ARL3: variants seen among roughly 807,000 people sequenced by gnomAD.
ARL3 encodes ADP-ribosylation factor-like protein 3.
ARL3 carries 9 observed loss-of-function variants against 26.0 expected under a neutral mutation model. That is an observed-to-expected ratio of 0.35 (90% confidence interval 0.21 to 0.60). ARL3 has a LOEUF of 0.60. Among genes scored for constraint, ARL3 ranks in the 20% least tolerant of loss-of-function variants. ARL3 has a pLI of 0.78. For missense variants in ARL3, 158 were observed against 215.7 expected, an observed-to-expected ratio of 0.73 and a Z score of 1.67; for synonymous variants, 71 against 78.4, an observed-to-expected ratio of 0.91 and a Z score of 0.50.
chr10:102,692,978 G>A (rs949140529), intron 3 of ARL3, among the ~76,000 whole-genome samples: 1 of 152,220 alleles, frequency 6.6e-6, no homozygotes, highest in Non-Finnish European at 1.5e-5. Flanking sequence ...TTACAGGCAT[G>A]AGCCACCGCA....
chr10:102,699,589 C>G, intron 2 of ARL3, 100 bp from the exon 3 acceptor site: 1 of 665,086 alleles, frequency 1.5e-6, no homozygotes, highest in Non-Finnish European at 2.6e-6. Context: ...TTCTAAAGTA[C>G]TCTGCCATAT....
chr10:102,685,571 G>T (rs1425750758), intron 5 of ARL3, among the ~76,000 whole-genome samples: 2 of 152,172 alleles, frequency 1.3e-5, no homozygotes, highest in Non-Finnish European at 2.9e-5. Context: ...ACAATCCTCA[G>T]TCTTCTGTTC....
intron 5 of ARL3, among the ~76,000 whole-genome samples, chr10:102,682,274 CT>C (rs1251040180): frequency 6.7e-6 from 1 of 149,694 alleles, no homozygotes; most frequent in African/African-American, 2.4e-5. Flanking sequence ...TGATGATCTC[CT>C]TCTGCTTCTC....
chr10:102,683,188 G>A (rs949001083), intron 5 of ARL3, among the ~76,000 whole-genome samples: 1 of 152,146 alleles, frequency 6.6e-6, no homozygotes, highest in Admixed American at 6.5e-5. Context: ...ACCACCTTAG[G>A]GAGGTACACG....
chr10:102,712,436 C>T (rs922743621), intron 1 of ARL3, among the ~76,000 whole-genome samples: 1 of 152,044 alleles, frequency 6.6e-6, no homozygotes, highest in Non-Finnish European at 1.5e-5. Flanking sequence ...ATAAAGAATC[C>T]GGAATAATTT....
intron 5 of ARL3, 30 bp from the exon 6 acceptor site, chr10:102,676,971 T>C (rs1185418544): frequency 2.6e-5 from 42 of 1,612,146 alleles, no homozygotes; most frequent in Non-Finnish European, 3.6e-5. Context: ...AGAAAGGCAG[T>C]GTTAGTTATA....
intron 2 of ARL3, among the ~76,000 whole-genome samples, chr10:102,701,278 C>T (rs2064278348): frequency 6.6e-6 from 1 of 152,204 alleles, no homozygotes; most frequent in Non-Finnish European, 1.5e-5. Flanking sequence ...ACAGAAGAGA[C>T]ATTTCATCCA....
At chr10:102,679,699 C>A (rs536612653) in intron 5 of ARL3, among the ~76,000 whole-genome samples, 60 of 152,278 alleles carry the variant, frequency 3.9e-4, no homozygotes, top group African/African-American at 1.4e-3. Context: ...CCAGCCAAGC[C>A]TCCCTGCAGC....
intron 1 of ARL3, among the ~76,000 whole-genome samples, chr10:102,712,700 T>C (rs1210439440): frequency 6.6e-6 from 1 of 152,236 alleles, no homozygotes; most frequent in Admixed American, 6.5e-5. Context: ...CCAACTCTCA[T>C]GCACTTCTCA....
At chr10:102,684,673 C>G (rs1006033842) in intron 5 of ARL3, among the ~76,000 whole-genome samples, 6 of 152,086 alleles carry the variant, frequency 3.9e-5, no homozygotes, top group African/African-American at 1.4e-4. Flanking sequence ...GAGTCTTGCT[C>G]TGTCGCCCAG....
rs1240104601 is a variant in ARL3 at position 102,690,070 on chromosome 10, G to A, written c.265-127C>T. ...TAGCACAACATACAGAAATTGACTG[G>A]TGAGTCTCATCTCATTTATGAAGGC... On this transcript the variant is annotated intron_variant, in intron 3 of 5. Transcript: ENST00000260746. The A allele has an allele frequency of 9.3e-6, 5 of 539,704 alleles. No individual in the cohort carries two copies. The African/African-American group carries it at 9.6e-5, about 10-fold the overall frequency. 33.4% of individuals were successfully genotyped at this position (539,704 alleles called of 1,614,324 possible).
chr10:102,676,126 C>T lies in ARL3; in HGVS notation c.*768G>A. On this transcript the variant is annotated 3_prime_UTR_variant, in exon 6 of 6. Coordinates refer to ENST00000260746, the MANE Select transcript of ARL3 (RefSeq NM_004311.4). ...TTGTAATTTTTCTGGAATTAAACCT[C>T]CCACCTCTCCTTACATTCCAGATGT... is the stretch of plus-strand genomic sequence containing the variant. The T allele has an allele frequency of 6.6e-6, 1 of 152,424 alleles. No homozygotes were observed. Among genetic ancestry groups the T allele is most frequent in the Non-Finnish European group, 1.5e-5 (1 of 67,976 alleles). 9.4% of individuals were successfully genotyped at this position (152,424 alleles called of 1,614,324 possible). A position where few individuals can be genotyped will look rare whatever the true frequency, so the allele number is the denominator to read the frequency against.
chr10:102,697,846 T>A (rs7893687), intron 3 of ARL3, among the ~76,000 whole-genome samples: 40,318 of 152,038 alleles, frequency 0.27, 5,555 homozygotes, highest in Middle Eastern at 0.37. Context: ...ATGACCAATG[T>A]TAAATGGCCT....
chr10:102,688,519 T>G (rs926063207), intron 4 of ARL3, among the ~76,000 whole-genome samples: 10 of 95,538 alleles, frequency 1.0e-4, no homozygotes, highest in African/African-American at 4.1e-4. Context: ...TTTTTTTTTT[T>G]GAGAGGGAGT....
At chr10:102,699,290 G>T in intron 3 of ARL3, 83 bp downstream of exon 3, 2 of 873,624 alleles carry the variant, frequency 2.3e-6, no homozygotes, top group Non-Finnish European at 1.9e-6. Context: ...TGGAATTACT[G>T]ACAAGAAAGA....
intron 3 of ARL3, among the ~76,000 whole-genome samples, chr10:102,695,452 C>T (rs545108215): frequency 1.3e-5 from 2 of 152,328 alleles, no homozygotes; most frequent in Admixed American, 6.5e-5. Flanking sequence ...CCGACTTGTA[C>T]ATATTAACCT....
At chr10:102,687,458 T>TTTTGGGAGGCTGAGGTGGGCGGAG (rs1554862286) in intron 4 of ARL3, among the ~76,000 whole-genome samples, 1 of 151,578 alleles carries the variant, frequency 6.6e-6, no homozygotes, top group Non-Finnish European at 1.5e-5. Context: ...AATCCCAGCA[T>TTTTGGGAGGCTGAGGTGGGCGGAG]TTTGGGAGGC....
intron 5 of ARL3, among the ~76,000 whole-genome samples, chr10:102,684,237 C>T (rs1266221095): frequency 6.6e-6 from 1 of 152,156 alleles, no homozygotes; most frequent in African/African-American, 2.4e-5. Context: ...CAAGCTCCGC[C>T]TCCTGGGTTC....
In ARL3 at chr10:102,679,528, CT is replaced by C. The variant is rs111449960; in HGVS notation, c.502-2588del. On this transcript the variant is annotated intron_variant, in intron 5 of 5. Transcript: ENST00000260746. ...TGCCCAGCGTGGTGCTCCAGAGCTG[CT>C]TACCAGTTCTCCACGGATGTGGGTA... Among the ~76,000 whole-genome samples the C allele has an allele frequency of 4.6e-5, 7 of 152,354 alleles. 1 individual carries two copies. Among genetic ancestry groups the C allele is most frequent in the African/African-American group, 1.7e-4 (7 of 41,586 alleles).
Sources: gnomAD v4.1 joint callset for allele counts (sites outside exome capture counted in the v4.1 genomes callset) on GRCh38, gnomAD v4.1.1 for gene constraint, MANE v1.5 for transcripts, NCBI Gene and HGNC (gene_info 2026-07-23, HGNC 2026-07-21) for gene names.